The following MME variants were observed in gnomAD, a reference collection of about 807,000 sequenced individuals.
MME encodes the protein membrane metalloendopeptidase, also known as neprilysin.
In MME, 98 loss-of-function variants were observed where a neutral mutation model predicts 113.2. The observed-to-expected ratio is 0.87, with a 90% CI of 0.74 to 1.02. MME has a LOEUF of 1.02. Among genes scored for constraint, MME ranks in the 50% least tolerant of loss-of-function variants. The pLI is 0.00. For missense variants in MME, 836 were observed against 896.0 expected (o/e 0.93, Z 0.86); for synonymous variants, 292 against 300.6 (o/e 0.97, Z 0.30).
intron 3 of MME, among the ~76,000 whole-genome samples, chr3:155,109,258 C>T (rs969097385): frequency 1.3e-5 from 2 of 152,062 alleles, no homozygotes; most frequent in Non-Finnish European, 2.9e-5. Context: ...CACAAGAGCC[C>T]TCCTCAAGAC....
intron 12 of MME, among the ~76,000 whole-genome samples, chr3:155,142,796 C>T (rs1049661627): frequency 7.2e-5 from 11 of 152,036 alleles, no homozygotes; most frequent in African/African-American, 2.7e-4. Flanking sequence ...ATTATTTAAA[C>T]AATCACTGTT....
chr3:155,147,293 T>A (rs1721594114), intron 15 of MME, 69 bp downstream of exon 15: 1 of 965,604 alleles, frequency 1.0e-6, no homozygotes, highest in Admixed American at 1.7e-5. Context: ...TTTTTAGCTA[T>A]GGGGTGCCTG....
At chr3:155,116,329 G>A (rs965837036) in intron 4 of MME, 150 bp from the exon 5 acceptor site, 2 of 656,036 alleles carry the variant, frequency 3.0e-6, no homozygotes, top group East Asian at 5.9e-5. Context: ...TTGGAACTGG[G>A]GGGAGGAAAT....
intron 8 of MME, among the ~76,000 whole-genome samples, chr3:155,122,629 G>A (rs1361885929): frequency 1.2e-4 from 3 of 25,116 alleles, no homozygotes; most frequent in South Asian, 1.2e-3. Flanking sequence ...CTTTGTTCTC[G>A]TTGGTTTCAA....
intron 20 of MME, among the ~76,000 whole-genome samples, chr3:155,171,066 C>G (rs1429270296): frequency 6.6e-6 from 1 of 152,190 alleles, no homozygotes; most frequent in East Asian, 1.9e-4. Flanking sequence ...TTCTAATACA[C>G]AGCCAGATTG....
At chr3:155,158,729 A>G (rs891915767) in intron 16 of MME, 5 of 152,144 alleles carry the variant, frequency 3.3e-5, no homozygotes, top group Non-Finnish European at 5.9e-5. Context: ...TTTTCTTGTG[A>G]GTCAACACAA....
chr3:155,100,391 G>A (rs1350580430), intron 3 of MME, among the ~76,000 whole-genome samples: 2 of 152,158 alleles, frequency 1.3e-5, no homozygotes, highest in Admixed American at 6.5e-5. Flanking sequence ...TCATTAAAAA[G>A]TCAAGAAACA....
chr3:155,163,551 A>T (rs1296532399), intron 17 of MME, among the ~76,000 whole-genome samples: 2 of 152,228 alleles, frequency 1.3e-5, no homozygotes, highest in Admixed American at 1.3e-4. Context: ...ATGTTTTGTC[A>T]TATGGTTCTC....
At chr3:155,050,329 T>C (rs544570532) in intron 1 of MME, among the ~76,000 whole-genome samples, 13 of 152,346 alleles carry the variant, frequency 8.5e-5, no homozygotes, top group Admixed American at 5.9e-4. Context: ...GAATAATCTA[T>C]ATTCCTTTGG....
At chr3:155,139,797 G>C (rs1720919222) in intron 9 of MME, among the ~76,000 whole-genome samples, 1 of 152,230 alleles carries the variant, frequency 6.6e-6, no homozygotes, top group East Asian at 1.9e-4. Context: ...AATGGTAATG[G>C]TGAAGATGGG....
chr3:155,158,971 G>A (rs1722514254), intron 16 of MME: 1 of 151,716 alleles, frequency 6.6e-6, no homozygotes, highest in South Asian at 2.1e-4. Context: ...CCATCTCCAA[G>A]CTTTTTTTCT....
chr3:155,048,123 G>T (rs1035133801), intron 1 of MME, among the ~76,000 whole-genome samples: 8 of 152,182 alleles, frequency 5.3e-5, no homozygotes, highest in Admixed American at 4.6e-4. Flanking sequence ...TGCTAATTTG[G>T]TCTGACTTGT....
chr3:155,079,630 T>TGGGGGGGGGGGGGGGGGGG (rs1455585736), upstream of MME: 1 of 27,486 alleles, frequency 3.6e-5, no homozygotes, highest in African/African-American at 1.0e-4. Flanking sequence ...GGGTAGGGGG[T>TGGGGGGGGGGGGGGGGGGG]GGGGGGGGTG....
chr3:155,085,256 T>A (rs1276402855), intron 3 of MME, 162 bp downstream of exon 3: 5 of 514,216 alleles, frequency 9.7e-6, no homozygotes, highest in Middle Eastern at 5.3e-4. Flanking sequence ...ATTTAAGTAG[T>A]AGATTAATTA....
rs191687291 is a variant in MME at position 155,062,833 on chromosome 3, C to T, written c.-10-21325C>T. 4.4e-3 allele frequency among the ~76,000 whole-genome samples: 661 copies of T among 151,566 alleles called. 5 individuals carry two copies. Among genetic ancestry groups the T allele is most frequent in the East Asian group, 0.015 (79 of 5,146 alleles). ...CCCACGGATCACAAGGTCAGGAGTT[C>T]GAGACCACCCTGGCCAACATGGTGA... is the stretch of plus-strand genomic sequence containing the variant. On this transcript the variant is annotated intron_variant, in intron 1 of 22. Coordinates refer to the MME transcript ENST00000492661.
upstream of MME, among the ~76,000 whole-genome samples, chr3:155,077,179 T>C (rs1354933153): frequency 6.6e-6 from 1 of 152,188 alleles, no homozygotes; most frequent in African/African-American, 2.4e-5. Flanking sequence ...TAAGATTTTC[T>C]TTTACTTGCC....
chr3:155,086,931 A>G (rs1377661207), intron 3 of MME, among the ~76,000 whole-genome samples: 1 of 151,572 alleles, frequency 6.6e-6, no homozygotes, highest in East Asian at 1.9e-4. Context: ...GAGCCTCCTG[A>G]GTAGCTGGGA....
Position 155,168,718 on chromosome 3 carries a change from G to T in MME, c.1915-14G>T, listed in dbSNP as rs757112462. 6.2e-7 allele frequency: 1 copy of T among 1,612,344 alleles called. No homozygotes were observed. The highest frequency in any genetic ancestry group is 8.5e-7 in the Non-Finnish European group (1 of 1,178,582). On this transcript the variant is annotated splice_polypyrimidine_tract_variant and intron_variant, in intron 19 of 22. Transcript: ENST00000360490. ...CTTTTTTTAACAATCCTAATAAAGT[G>T]TCTTTTTTAACAGCTTAATGGAATT...
At chr3:155,086,866 G>A (rs904240484) in intron 3 of MME, among the ~76,000 whole-genome samples, 10 of 152,074 alleles carry the variant, frequency 6.6e-5, no homozygotes, top group Non-Finnish European at 1.5e-4. Flanking sequence ...GTGCAGTATT[G>A]TGATCACAGC....
Sources: gnomAD v4.1 joint callset for allele counts (sites outside exome capture counted in the v4.1 genomes callset) on GRCh38, gnomAD v4.1.1 for gene constraint, MANE v1.5 for transcripts, NCBI Gene and HGNC (gene_info 2026-07-23, HGNC 2026-07-21) for gene names.